The following MFSD2A variants were observed in gnomAD, a reference collection of about 807,000 sequenced individuals.
MFSD2A encodes MFSD2 lysolipid transporter A, lysophospholipid, also known as sodium-dependent lysophosphatidylcholine symporter 1.
Under a neutral mutation model 64.7 loss-of-function variants are expected in MFSD2A, and 27 were observed. The observed-to-expected ratio is 0.42, with a 90% CI of 0.31 to 0.58. MFSD2A has a LOEUF of 0.58. Among genes scored for constraint, MFSD2A ranks in the 20% least tolerant of loss-of-function variants. The pLI, the probability that MFSD2A is intolerant of heterozygous loss-of-function variation, is 0.18. For synonymous variants in MFSD2A, 258 were observed against 273.4 expected (o/e 0.94, Z 0.55); for missense variants, 474 against 679.5 (o/e 0.70, Z 3.36).
chr1:39,961,369 GAC>G (rs1455149356), intron 3 of MFSD2A, among the ~76,000 whole-genome samples: 1 of 118,220 alleles, frequency 8.5e-6, no homozygotes, highest in Non-Finnish European at 1.6e-5. Flanking sequence ...GTTTGTTTGA[GAC>G]AGAGTCTCGC....
At chr1:39,959,500 G>A (rs1207798757) in intron 3 of MFSD2A, among the ~76,000 whole-genome samples, 5 of 151,960 alleles carry the variant, frequency 3.3e-5, no homozygotes, top group Non-Finnish European at 5.9e-5. Context: ...GTGTCCTCCC[G>A]CCTCAGCCTC....
chr1:39,967,848 C>T lies in MFSD2A; in HGVS notation c.1140C>T (p.Asn380=). ...FLILVALMES[N]LIITYAVAVA... ...TCTTGGTGGCCCTCATGGAGAGTAA[C>T]CTCATCATTACATATGCGGTAGCTG... The change falls in exon 11 of 14, where the codon AAC becomes AAT. Residue 380 remains asparagine, a synonymous_variant. Transcript: ENST00000372811. 6.2e-7 allele frequency: 1 copy of T among 1,613,998 alleles called. No homozygotes were observed. Among genetic ancestry groups the T allele is most frequent in the East Asian group, 2.2e-5 (1 of 44,874 alleles).
intron 1 of MFSD2A, 92 bp from the exon 2 acceptor site, chr1:39,956,995 G>A (rs1644944534): frequency 7.1e-7 from 1 of 1,398,778 alleles, no homozygotes; most frequent in Non-Finnish European, 9.9e-7. Flanking sequence ...GTTTGTTCTG[G>A]TAGAGCTGGC....
chr1:39,961,405 C>G (rs1054109233), intron 3 of MFSD2A, among the ~76,000 whole-genome samples: 15 of 140,434 alleles, frequency 1.1e-4, no homozygotes, highest in Non-Finnish European at 2.0e-4. Flanking sequence ...CTGGAGTGCA[C>G]TGGCGTGATC....
Position 39,960,332 on chromosome 1 carries a change from T to C in MFSD2A, c.353+1507T>C, listed in dbSNP as rs1165005556. Among the ~76,000 whole-genome samples, 1 of 152,210 alleles carries C rather than the reference T, an allele frequency of 6.6e-6. No individual in the cohort carries two copies. Among genetic ancestry groups the C allele is most frequent in the Non-Finnish European group, 1.5e-5 (1 of 68,026 alleles). The stretch of plus-strand genomic sequence containing the variant: ...CCTGGCCTCCGGCCTTCAAAGCTCT[T>C]CCCGCAACCCCTTCCCCCACTACAG... On this transcript the variant is annotated intron_variant, in intron 3 of 13. Coordinates refer to ENST00000372811, the MANE Select transcript of MFSD2A (RefSeq NM_032793.5). The surrounding 1 kb of genome is among the most constrained non-coding windows in gnomAD (Gnocchi z 4.8).
In MFSD2A at chr1:39,965,691, G is replaced by A; in HGVS notation, c.556+142G>A. On this transcript the variant is annotated intron_variant, in intron 5 of 13. Transcript: ENST00000372811. This position sits in a 1 kb window ranked among gnomAD's most constrained non-coding sequence, Gnocchi z 5.5. ...AATAACTCAATCCCCTTATTGCTCA[G>A]ATGAGACCTGGAGAGGTGCATATGC... The A allele has an allele frequency of 8.2e-7, 1 of 1,216,204 alleles. No homozygotes were observed. Among genetic ancestry groups the A allele is most frequent in the Non-Finnish European group, 1.2e-6 (1 of 845,630 alleles). The allele number at this position is 1,216,204 out of a possible 1,614,324, so 75.3% of individuals were successfully genotyped here. A position where few individuals can be genotyped will look rare whatever the true frequency, so the allele number is the denominator to read the frequency against.
At position 39,966,616 on chromosome 1, in the gene MFSD2A, C is replaced by T. The variant is rs769403571; in HGVS notation, c.730C>T (p.Leu244=). 4.3e-6 allele frequency: 7 copies of T among 1,613,294 alleles called. No homozygotes were observed. In the Admixed American group the frequency reaches 1.2e-4, roughly 27 times the overall value. ...SHRETQKAYL[L]AAGVIVCIYI... ...CTCCTTATAGCAAAAGGCATACCTGCTGGCAGCGGGGGTCATTGTCTGTAT... is the reference window on the plus strand; with the variant it reads ...CTCCTTATAGCAAAAGGCATACCTGTTGGCAGCGGGGGTCATTGTCTGTAT... Residue 244 remains leucine, a synonymous_variant, in exon 7 of 14, where the codon CTG becomes TTG. Coordinates refer to ENST00000372811, the MANE Select transcript of MFSD2A (RefSeq NM_032793.5).
chr1:39,966,110 T>C (rs1267149080), intron 6 of MFSD2A, 96 bp downstream of exon 6: 1 of 1,408,434 alleles, frequency 7.1e-7, no homozygotes, highest in Non-Finnish European at 9.7e-7. Flanking sequence ...GTTTATTAAA[T>C]AAATGTTGGG....
At position 39,965,095 on chromosome 1, in the gene MFSD2A, G is replaced by A; in HGVS notation, c.354-116G>A. On this transcript the variant is annotated intron_variant, in intron 3 of 13. Transcript: ENST00000372811. The surrounding 1 kb of genome is among the most constrained non-coding windows in gnomAD (Gnocchi z 5.5). The stretch of plus-strand genomic sequence containing the variant: ...GTGGATTTGGCAGGAGTATGGGGAA[G>A]GAAGGAAGAGCTTAGCTTCCTTCCC... The A allele has an allele frequency of 2.1e-6, 3 of 1,422,834 alleles. No individual in the cohort carries two copies. Among genetic ancestry groups the A allele is most frequent in the Non-Finnish European group, 2.9e-6 (3 of 1,047,378 alleles). 88.1% of individuals were successfully genotyped at this position (1,422,834 alleles called of 1,614,324 possible).
Position 39,965,487 on chromosome 1 carries a change from A to C in MFSD2A, c.494A>C (p.Tyr165Ser). Reference sequence around the variant, plus strand: ...CTATGCCAGTGTTTCCATGTTCCCTACTCGGCTCTCACCATGTTCATCAGC... The same window carrying C: ...CTATGCCAGTGTTTCCATGTTCCCTCCTCGGCTCTCACCATGTTCATCAGC... ...ETMVTCFHVP[Y>S]SALTMFISTE... Residue 165 changes from tyrosine to serine, a missense_variant, in exon 5 of 14, where the codon TAC becomes TCC. Transcript: ENST00000372811. This position sits in a 1 kb window ranked among gnomAD's most constrained non-coding sequence, Gnocchi z 5.5. 1 of 1,613,154 alleles carries C rather than the reference A, an allele frequency of 6.2e-7. No individual in the cohort carries two copies. Among genetic ancestry groups the C allele is most frequent in the Non-Finnish European group, 8.5e-7 (1 of 1,179,822 alleles).
chr1:39,967,942 C>T (rs763510895), intron 11 of MFSD2A, 26 bp downstream of exon 11: 80 of 1,447,540 alleles, frequency 5.5e-5, no homozygotes, highest in South Asian at 5.4e-4. Flanking sequence ...CCCCCCTCCT[C>T]GGGTATCTCC....
rs1644972971 is a variant in MFSD2A at position 39,958,524 on chromosome 1, G to A, written c.229-177G>A. ...GGCACCCAGTGCTACTGTTATTGGA[G>A]AAATGCTATTGTCATTATTAACAAG... On this transcript the variant is annotated intron_variant, in intron 2 of 13. Transcript: ENST00000372811. The surrounding 1 kb of genome is among the most constrained non-coding windows in gnomAD (Gnocchi z 4.7). The A allele has an allele frequency of 7.4e-6, 7 of 947,184 alleles. 1 individual carries two copies. The highest frequency in any genetic ancestry group is 7.3e-5 in the East Asian group (3 of 41,078). 58.7% of individuals were successfully genotyped at this position (947,184 alleles called of 1,614,324 possible).
Position 39,955,694 on chromosome 1 carries a change from G to T in MFSD2A, c.93+309G>T. On this transcript the variant is annotated intron_variant, in intron 1 of 13. Coordinates refer to ENST00000372811, the MANE Select transcript of MFSD2A (RefSeq NM_032793.5). This position sits in a 1 kb window ranked among gnomAD's most constrained non-coding sequence, Gnocchi z 5.9. ...CCGTGTTGAGCGGCTGGGGCTTGCC[G>T]CCCCAAACCCCAGAGATGACCCCAG... The T allele has an allele frequency of 1.7e-6, 1 of 602,810 alleles. No homozygotes were observed. The highest frequency in any genetic ancestry group is 3.1e-6 in the Non-Finnish European group (1 of 321,610). 37.3% of individuals were successfully genotyped at this position (602,810 alleles called of 1,614,324 possible).
Position 39,964,402 on chromosome 1 carries a change from G to A in MFSD2A, c.354-809G>A, listed in dbSNP as rs1477876783. The A allele has an allele frequency of 3.3e-5, 5 of 152,350 alleles. No homozygotes were observed. In the East Asian group the frequency reaches 9.6e-4, roughly 29 times the overall value. 9.4% of individuals were successfully genotyped at this position (152,350 alleles called of 1,614,324 possible). A position where few individuals can be genotyped will look rare whatever the true frequency, so the allele number is the denominator to read the frequency against. On this transcript the variant is annotated intron_variant, in intron 3 of 13. Transcript: ENST00000372811. This position sits in a 1 kb window ranked among gnomAD's most constrained non-coding sequence, Gnocchi z 4.1. ...AATTTAAATAACTTCCCAAGACTAA[G>A]TTTTATAGTTAGTTGGTGGAGCTAG...
Position 39,965,550 on chromosome 1 carries a change from G to A in MFSD2A, c.556+1G>A, listed in dbSNP as rs758953000. On this transcript the variant is annotated splice_donor_variant, in intron 5 of 13. Transcript: ENST00000372811. LOFTEE classifies it high-confidence loss of function. The surrounding 1 kb of genome is among the most constrained non-coding windows in gnomAD (Gnocchi z 5.5). Reference sequence around the variant, plus strand: ...GAGCGGGATTCTGCCACCGCCTATCGTGAGTCTCCCCAGCCCACCTGACCC... The same window carrying A: ...GAGCGGGATTCTGCCACCGCCTATCATGAGTCTCCCCAGCCCACCTGACCC... 3 of 1,613,988 alleles carry A rather than the reference G, an allele frequency of 1.9e-6. No homozygotes were observed. Among genetic ancestry groups the A allele is most frequent in the Non-Finnish European group, 2.5e-6 (3 of 1,179,970 alleles).
rs1380898539 is a variant in MFSD2A, at chr1:39,958,656, G to T, written c.229-45G>T. 1.2e-6 allele frequency: 2 copies of T among 1,613,988 alleles called. No homozygotes were observed. Among genetic ancestry groups the T allele is most frequent in the South Asian group, 1.1e-5 (1 of 91,072 alleles). The stretch of plus-strand genomic sequence containing the variant: ...TCTGCCTACCAGTGAGAGTTGAGGC[G>T]AGTAGAAGGATGAGGAAGTTGTCTT... On this transcript the variant is annotated intron_variant, in intron 2 of 13. Coordinates refer to ENST00000372811, the MANE Select transcript of MFSD2A (RefSeq NM_032793.5). The surrounding 1 kb of genome is among the most constrained non-coding windows in gnomAD (Gnocchi z 4.7).
chr1:39,962,876 G>A lies in MFSD2A; in HGVS notation c.354-2335G>A, dbSNP rs1023120502. On this transcript the variant is annotated intron_variant, in intron 3 of 13. Coordinates refer to ENST00000372811, the MANE Select transcript of MFSD2A (RefSeq NM_032793.5). ...TCAAGGATGAGGTTTTGAAGATTAT[G>A]CCAGTGCAGAAGCAGACCCGTGCCG... 5 of 1,572,434 alleles carry A rather than the reference G, an allele frequency of 3.2e-6. No individual in the cohort carries two copies. The African/African-American group carries it at 5.4e-5, about 17-fold the overall frequency.
In MFSD2A at chr1:39,958,546, C is replaced by T; in HGVS notation, c.229-155C>T. On this transcript the variant is annotated intron_variant, in intron 2 of 13. Transcript: ENST00000372811. The surrounding 1 kb of genome is among the most constrained non-coding windows in gnomAD (Gnocchi z 4.7). ...GGAGAAATGCTATTGTCATTATTAA[C>T]AAGGCAAGTGAAGATGTGTAAGGTC... The T allele has an allele frequency of 8.8e-7, 1 of 1,131,678 alleles. No homozygotes were observed. The highest frequency in any genetic ancestry group is 1.3e-6 in the Non-Finnish European group (1 of 765,972). 70.1% of individuals were successfully genotyped at this position (1,131,678 alleles called of 1,614,324 possible). A position where few individuals can be genotyped will look rare whatever the true frequency, so the allele number is the denominator to read the frequency against.
At position 39,965,302 on chromosome 1, in the gene MFSD2A, C is replaced by T; in HGVS notation, c.445C>T (p.Leu149Phe). Reference protein sequence around the residue: ...FPHGQTYWYLLFYCLFETMVT... With the variant: ...FPHGQTYWYLFFYCLFETMVT... ...ACACGGCCAGACCTATTGGTACCTG[C>T]TTTTCTATTGCCTCTTTGAAACAAT... The change falls in exon 4 of 14, where the codon CTT becomes TTT. Residue 149 changes from leucine (L) to phenylalanine (F), a missense_variant. Coordinates refer to ENST00000372811, the MANE Select transcript of MFSD2A (RefSeq NM_032793.5). This position sits in a 1 kb window ranked among gnomAD's most constrained non-coding sequence, Gnocchi z 5.5. 3.1e-6 allele frequency: 5 copies of T among 1,614,154 alleles called. No homozygotes were observed. Among genetic ancestry groups the T allele is most frequent in the Non-Finnish European group, 4.2e-6 (5 of 1,180,030 alleles).
Sources: gnomAD v4.1 joint callset for allele counts (sites outside exome capture counted in the v4.1 genomes callset) on GRCh38, gnomAD v4.1.1 for gene constraint, Gnocchi (gnomAD v3.1) non-coding constraint, MANE v1.5 for transcripts, NCBI Gene and HGNC (gene_info 2026-07-23, HGNC 2026-07-21) for gene names.